Variants in PDE6B observed in about 807,000 individuals in gnomAD.
PDE6B encodes rod cGMP-specific 3',5'-cyclic phosphodiesterase subunit beta.
Under a neutral mutation model 109.0 loss-of-function variants are expected in PDE6B, and 106 were observed. That is an observed-to-expected ratio of 0.97 (90% CI 0.83 to 1.14). The LOEUF is 1.14. PDE6B is among the 50% of genes most tolerant of loss of function. The pLI is 0.00. For synonymous variants in PDE6B, 490 were observed against 471.3 expected, an observed-to-expected ratio of 1.04 and a Z score of -0.51; for missense variants, 1,193 against 1,155.6, an observed-to-expected ratio of 1.03 and a Z score of -0.47.
rs1345487081 is a variant in PDE6B, at chr4:633,806, T to G, written c.469-871T>G. On this transcript the variant is annotated intron_variant, in intron 1 of 21. Transcript: ENST00000496514. The surrounding 1 kb of genome is among the most constrained non-coding windows in gnomAD (Gnocchi z 4.5). Reference sequence around the variant, plus strand: ...GTAAACAAATGTCAGAACCAGGAAGTAAGAGGAGGGTCTGGGGTCACATCC... The same window carrying G: ...GTAAACAAATGTCAGAACCAGGAAGGAAGAGGAGGGTCTGGGGTCACATCC... Among the ~76,000 whole-genome samples the G allele has an allele frequency of 6.6e-6, 1 of 151,922 alleles. No homozygotes were observed. The highest frequency in any genetic ancestry group is 1.5e-5 in the Non-Finnish European group (1 of 67,942).
chr4:659,042 C>T, intron 11 of PDE6B, 25 bp downstream of exon 11: 1 of 1,581,032 alleles, frequency 6.3e-7, no homozygotes, highest in South Asian at 1.1e-5. Flanking sequence ...CCCGTCCCTC[C>T]CATGGAGGCC....
intron 6 of PDE6B, 186 bp downstream of exon 6, chr4:655,074 C>T (rs377381703): frequency 9.6e-5 from 60 of 625,486 alleles, no homozygotes; most frequent in South Asian, 8.1e-4. Context: ...AGACAGAAGC[C>T]GACTCACTGT....
chr4:656,475 C>G (rs1439333853), intron 8 of PDE6B, among the ~76,000 whole-genome samples, 183 bp downstream of exon 8: 1 of 152,062 alleles, frequency 6.6e-6, no homozygotes, highest in Non-Finnish European at 1.5e-5. Flanking sequence ...GGGCTGTGAC[C>G]ACAGCCCCCA....
At chr4:645,879 T>C (rs986495828) in intron 3 of PDE6B, among the ~76,000 whole-genome samples, 4 of 152,060 alleles carry the variant, frequency 2.6e-5, no homozygotes, top group Admixed American at 1.3e-4. Context: ...TCACTTAGAG[T>C]GTGGCTATCT....
Position 663,951 on chromosome 4 carries a change from G to A in PDE6B, c.2021+81G>A, listed in dbSNP as rs935783171. ...CCGGCAGACACGGGGGCGCAGCGGC[G>A]GCACAGCCCGGGGGACGCAGCCCCG... On this transcript the variant is annotated intron_variant, in intron 16 of 21. Transcript: ENST00000496514. The surrounding 1 kb of genome is among the most constrained non-coding windows in gnomAD (Gnocchi z 4.0). The A allele has an allele frequency of 1.3e-5, 15 of 1,146,540 alleles. No individual in the cohort carries two copies. Among genetic ancestry groups the A allele is most frequent in the Non-Finnish European group, 1.8e-5 (14 of 796,366 alleles). 71.0% of individuals were successfully genotyped at this position (1,146,540 alleles called of 1,614,324 possible).
chr4:639,913 C>T (rs767316920), intron 3 of PDE6B, among the ~76,000 whole-genome samples: 13 of 152,080 alleles, frequency 8.5e-5, no homozygotes, highest in Admixed American at 2.0e-4. Context: ...GGGTCTCCCC[C>T]TCAGGTCCTC....
chr4:648,863 C>T lies in PDE6B; in HGVS notation c.712-4989C>T, dbSNP rs781246523. ...AGGACCCGGTGGCTCGCTGCAAGGG[C>T]GGAGGAGGTGCCCCGACTCAGGTCA... On this transcript the variant is annotated intron_variant, in intron 3 of 21. Transcript: ENST00000496514. The surrounding 1 kb of genome is among the most constrained non-coding windows in gnomAD (Gnocchi z 4.5). Among the ~76,000 whole-genome samples the T allele has an allele frequency of 1.3e-5, 2 of 152,224 alleles. No individual in the cohort carries two copies. Among genetic ancestry groups the T allele is most frequent in the African/African-American group, 2.4e-5 (1 of 41,452 alleles).
chr4:629,718 A>G (rs986944997), intron 1 of PDE6B, among the ~76,000 whole-genome samples: 4 of 151,812 alleles, frequency 2.6e-5, no homozygotes, highest in Non-Finnish European at 5.9e-5. Flanking sequence ...CTGGGTGGGA[A>G]TCCGGAGATA....
intron 1 of PDE6B, among the ~76,000 whole-genome samples, chr4:629,693 C>T (rs930012763): frequency 1.2e-4 from 18 of 152,168 alleles, no homozygotes; most frequent in East Asian, 3.9e-4. Flanking sequence ...AGAGCAGGGG[C>T]GTTGAGAACA....
Position 656,377 on chromosome 4 carries a change from T to C in PDE6B, c.1107+85T>C, listed in dbSNP as rs1326164951. ...AGCGATGATGAAGTGAATTCGTTTT[T>C]GCCACTTAAAAAACAACTTCAGCCA... On this transcript the variant is annotated intron_variant, in intron 8 of 21. Coordinates refer to ENST00000496514, the MANE Select transcript of PDE6B (RefSeq NM_000283.4). The C allele has an allele frequency of 1.0e-5, 10 of 986,592 alleles. No homozygotes were observed. In the East Asian group the frequency reaches 2.4e-4, roughly 23 times the overall value. The allele number at this position is 986,592 out of a possible 1,614,324, so 61.1% of individuals were successfully genotyped here.
Position 635,116 on chromosome 4 carries a change from C to T in PDE6B, c.621+287C>T, listed in dbSNP as rs1335457766. ...GTCTGCCTCCTTACCTGCCTGCCCG[C>T]GTGTTCTGTGCTGCGTGTCTGCCTC... is the stretch of plus-strand genomic sequence containing the variant. On this transcript the variant is annotated intron_variant, in intron 2 of 21. Transcript: ENST00000496514. Among the ~76,000 whole-genome samples, 5 of 109,500 alleles carry T rather than the reference C, an allele frequency of 4.6e-5. No homozygotes were observed. In the East Asian group the frequency reaches 8.3e-4, roughly 18 times the overall value. The allele number at this position is 109,500 out of a possible 152,430, so 71.8% of individuals were successfully genotyped here.
At chr4:652,044 G>T in intron 3 of PDE6B, 1 of 17,292 alleles carries the variant, frequency 5.8e-5, no homozygotes, top group Non-Finnish European at 2.0e-4. Flanking sequence ...AGAGTGTGGA[G>T]GCCAGTGAGG....
At position 666,968 on chromosome 4, in the gene PDE6B, G is replaced by T. The variant is rs1201248393; in HGVS notation, c.2352+354G>T. Reference sequence around the variant, plus strand: ...TTTTGGGGGCCTTGGCTGCAGCTCTGTGGGTTCATTTGTTCCATGTTTGTG... The same window carrying T: ...TTTTGGGGGCCTTGGCTGCAGCTCTTTGGGTTCATTTGTTCCATGTTTGTG... On this transcript the variant is annotated intron_variant, in intron 20 of 21. Transcript: ENST00000496514. This position sits in a 1 kb window ranked among gnomAD's most constrained non-coding sequence, Gnocchi z 5.6. Among the ~76,000 whole-genome samples the T allele has an allele frequency of 6.6e-6, 1 of 152,244 alleles. No homozygotes were observed. Among genetic ancestry groups the T allele is most frequent in the Non-Finnish European group, 1.5e-5 (1 of 68,042 alleles).
In PDE6B at chr4:625,822, A is replaced by G. The variant is rs964274841; in HGVS notation, c.196A>G (p.Met66Val). Residue 66 changes from methionine (M) to valine (V), a missense_variant, in exon 1 of 22, where the codon ATG (methionine) becomes GTG (valine). Physicochemically the swap from Met to Val is conservative, Grantham distance 21. Coordinates refer to ENST00000496514, the MANE Select transcript of PDE6B (RefSeq NM_000283.4). The surrounding 1 kb of genome is among the most constrained non-coding windows in gnomAD (Gnocchi z 5.0). ...STALLELVQD[M>V]QESINMERVV... ...GGCGCTGCTGGAGCTGGTGCAGGATATGCAGGAGAGCATCAACATGGAGCG... is the reference window on the plus strand; with the variant it reads ...GGCGCTGCTGGAGCTGGTGCAGGATGTGCAGGAGAGCATCAACATGGAGCG... 17 of 1,613,002 alleles carry G rather than the reference A, an allele frequency of 1.1e-5. No homozygotes were observed. The African/African-American group carries it at 2.1e-4, about 20-fold the overall frequency.
chr4:651,736 G>A (rs532184805), intron 3 of PDE6B: 16 of 150,516 alleles, frequency 1.1e-4, no homozygotes, highest in African/African-American at 3.8e-4. Context: ...CGGGGCTATG[G>A]GGAGCCGTCT....
At chr4:630,961 C>T (rs920186347) in intron 1 of PDE6B, among the ~76,000 whole-genome samples, 1 of 152,182 alleles carries the variant, frequency 6.6e-6, no homozygotes, top group African/African-American at 2.4e-5. Flanking sequence ...AACGGCAGCC[C>T]ACCTCAGCTG....
Position 662,422 on chromosome 4 carries a change from A to G in PDE6B, c.1723-87A>G. On this transcript the variant is annotated intron_variant, in intron 13 of 21. Transcript: ENST00000496514. The surrounding 1 kb of genome is among the most constrained non-coding windows in gnomAD (Gnocchi z 4.3). ...GCGGTGGTCGGAGGTCCAACCTCCA[A>G]CCCGACGCCTAGGTCATCCCAACCC... 1 of 991,422 alleles carries G rather than the reference A, an allele frequency of 1.0e-6. No individual in the cohort carries two copies. Among genetic ancestry groups the G allele is most frequent in the Non-Finnish European group, 1.6e-6 (1 of 622,776 alleles). 61.4% of individuals were successfully genotyped at this position (991,422 alleles called of 1,614,324 possible).
rs1468628671 is a variant in PDE6B at position 666,752 on chromosome 4, G to T, written c.2352+138G>T. Reference sequence around the variant, plus strand: ...GAGTAGGGATGCCAGTGCCAGCTTCGTGCCGCTCTTGAGTGGGGCAAATGG... The same window carrying T: ...GAGTAGGGATGCCAGTGCCAGCTTCTTGCCGCTCTTGAGTGGGGCAAATGG... On this transcript the variant is annotated intron_variant, in intron 20 of 21. Transcript: ENST00000496514. This position sits in a 1 kb window ranked among gnomAD's most constrained non-coding sequence, Gnocchi z 5.6. The T allele has an allele frequency of 1.4e-6, 1 of 698,634 alleles. No homozygotes were observed. 43.3% of individuals were successfully genotyped at this position (698,634 alleles called of 1,614,324 possible).
intron 3 of PDE6B, among the ~76,000 whole-genome samples, chr4:645,334 C>T (rs1032980422): frequency 5.5e-4 from 73 of 133,572 alleles, no homozygotes; most frequent in African/African-American, 1.6e-3. Flanking sequence ...CTCGCTCTGT[C>T]GCCCAGGCTG....
Sources: allele counts gnomAD v4.1 joint callset (sites outside exome capture counted in the v4.1 genomes callset), GRCh38; gene constraint gnomAD v4.1.1; non-coding constraint Gnocchi (gnomAD v3.1); transcripts MANE v1.5; gene names NCBI Gene and HGNC (gene_info 2026-07-23, HGNC 2026-07-21).